The following MAP2K5 variants were observed in gnomAD, a reference collection of about 807,000 sequenced individuals.
MAP2K5 encodes the protein dual specificity mitogen-activated protein kinase kinase 5.
Under a neutral mutation model 83.1 loss-of-function variants are expected in MAP2K5, and 49 were observed. The observed-to-expected ratio is 0.59, with a 90% confidence interval of 0.47 to 0.75. The LOEUF (loss-of-function observed/expected upper bound fraction) is 0.75. MAP2K5 is among the 30% of genes least tolerant of loss of function. The pLI, the probability that MAP2K5 is intolerant of heterozygous loss-of-function variation, is 0.00. For synonymous variants in MAP2K5, 202 were observed against 191.8 expected (o/e 1.05, Z -0.44); for missense variants, 457 against 557.5 (o/e 0.82, Z 1.82).
intron 1 of MAP2K5, chr15:67,549,059 A>G (rs1030725167): frequency 5.3e-5 from 81 of 1,519,110 alleles, no homozygotes; most frequent in Admixed American, 5.3e-4. Flanking sequence ...CTGCTGAGAA[A>G]TACTGCGAGC....
At chr15:67,547,109 G>T (rs60967453) in intron 1 of MAP2K5, among the ~76,000 whole-genome samples, 1 of 26,068 alleles carries the variant, frequency 3.8e-5, no homozygotes, top group Non-Finnish European at 9.2e-5. Flanking sequence ...CACACACACA[G>T]ATTTCTGTCT....
intron 1 of MAP2K5, among the ~76,000 whole-genome samples, chr15:67,545,716 G>A (rs1446625868): frequency 6.6e-6 from 1 of 152,152 alleles, no homozygotes; most frequent in African/African-American, 2.4e-5. Context: ...TACTACTGGG[G>A]CAAGTATCTT....
At position 67,766,851 on chromosome 15, in the gene MAP2K5, G is replaced by T. The variant is rs1385186707; in HGVS notation, c.1135-2751G>T. Among the ~76,000 whole-genome samples, 4 of 152,334 alleles carry T rather than the reference G, an allele frequency of 2.6e-5. No individual in the cohort carries two copies. The East Asian group carries it at 5.8e-4, about 22-fold the overall frequency. ...GGCTCTCAGAAAACGCCTTTGCCCAGTGTTTATGTGTGGCATTCTCACCAT... is the reference window on the plus strand; with the variant it reads ...GGCTCTCAGAAAACGCCTTTGCCCATTGTTTATGTGTGGCATTCTCACCAT... On this transcript the variant is annotated intron_variant, in intron 19 of 21. Transcript: ENST00000178640.
At chr15:67,743,562 G>A (rs2089539392) in intron 17 of MAP2K5, among the ~76,000 whole-genome samples, 1 of 152,178 alleles carries the variant, frequency 6.6e-6, no homozygotes. Context: ...TTATTTAAAA[G>A]TGATTTGTTT....
At chr15:67,737,806 C>T (rs1009666921) in intron 17 of MAP2K5, among the ~76,000 whole-genome samples, 25 of 143,260 alleles carry the variant, frequency 1.7e-4, no homozygotes, top group Non-Finnish European at 3.6e-4. Context: ...GTGACCACCA[C>T]GGGGAGAAGG....
Position 67,769,185 on chromosome 15 carries a change from T to C in MAP2K5, c.1135-417T>C, listed in dbSNP as rs1323223099. On this transcript the variant is annotated intron_variant, in intron 19 of 21. Transcript: ENST00000178640. The surrounding 1 kb of genome is among the most constrained non-coding windows in gnomAD (Gnocchi z 5.2). ...AGTTGAATATACAAATAAATGTAAA[T>C]AAAAAGGAAAGTGTAAATAAATAGC... is the stretch of plus-strand genomic sequence containing the variant. 6.6e-6 allele frequency among the ~76,000 whole-genome samples: 1 copy of C among 151,346 alleles called. No individual in the cohort carries two copies. Among genetic ancestry groups the C allele is most frequent in the Non-Finnish European group, 1.5e-5 (1 of 67,836 alleles).
At chr15:67,696,416 T>A (rs1596812130) in intron 15 of MAP2K5, among the ~76,000 whole-genome samples, 1 of 152,158 alleles carries the variant, frequency 6.6e-6, no homozygotes, top group Non-Finnish European at 1.5e-5. Flanking sequence ...GCAGAAAGTA[T>A]ATGGCTCATA....
Position 67,664,606 on chromosome 15 carries a change from G to A in MAP2K5, c.808G>A (p.Gly270Ser). 12 of 1,584,492 alleles carry A rather than the reference G, an allele frequency of 7.6e-6. No individual in the cohort carries two copies. Among genetic ancestry groups the A allele is most frequent in the Non-Finnish European group, 1.0e-5 (12 of 1,153,760 alleles). The change falls in exon 13 of 22, where the codon GGC (glycine) becomes AGC (serine). Residue 270 changes from glycine (G) to serine (S), a missense_variant. Transcript: ENST00000178640. ...TTTTTCCTAAATTTAGGTTGTTAAA[G>A]GCCTTACTTATTTGTGGAGTTTAAA... is the stretch of plus-strand genomic sequence containing the variant. ...LGRIAVAVVK[G>S]LTYLWSLKIL...
intron 3 of MAP2K5, among the ~76,000 whole-genome samples, chr15:67,574,445 G>A (rs569596667): frequency 3.9e-5 from 6 of 152,156 alleles, no homozygotes; most frequent in African/African-American, 7.2e-5. Context: ...GGTGGTGGGC[G>A]CCTGTAGTAT....
intron 21 of MAP2K5, among the ~76,000 whole-genome samples, chr15:67,789,064 T>C (rs1196532843): frequency 1.3e-5 from 2 of 152,138 alleles, no homozygotes; most frequent in African/African-American, 4.8e-5. Context: ...CCCTAATCTC[T>C]AGAGATAAGC....
chr15:67,545,792 T>TG (rs1178865379), intron 1 of MAP2K5, among the ~76,000 whole-genome samples: 9 of 152,166 alleles, frequency 5.9e-5, no homozygotes, highest in African/African-American at 2.2e-4. Flanking sequence ...GCCTACCTCC[T>TG]AGAGTTCTGA....
chr15:67,695,081 T>G (rs556383405), intron 15 of MAP2K5, among the ~76,000 whole-genome samples: 40 of 131,288 alleles, frequency 3.0e-4, no homozygotes, highest in African/African-American at 7.4e-4. Flanking sequence ...GACACAGGAA[T>G]GGGAACATCA....
intron 6 of MAP2K5, among the ~76,000 whole-genome samples, chr15:67,589,769 A>G (rs936586391): frequency 8.2e-6 from 1 of 121,880 alleles, no homozygotes; most frequent in Non-Finnish European, 1.7e-5. Flanking sequence ...CCAGAAAAAA[A>G]TGTGTGTGTG....
chr15:67,618,246 G>T (rs537993948), intron 8 of MAP2K5, among the ~76,000 whole-genome samples: 1 of 152,248 alleles, frequency 6.6e-6, no homozygotes, highest in South Asian at 2.1e-4. Flanking sequence ...GCTTGGCAGT[G>T]GGGGAGATAT....
At chr15:67,715,052 G>A (rs1049127182) in intron 16 of MAP2K5, among the ~76,000 whole-genome samples, 4 of 152,114 alleles carry the variant, frequency 2.6e-5, no homozygotes, top group Non-Finnish European at 5.9e-5. Flanking sequence ...AAATTTCCAT[G>A]GAAGATTTTA....
intron 17 of MAP2K5, 136 bp downstream of exon 17, chr15:67,728,081 G>T: frequency 2.6e-6 from 2 of 765,398 alleles, no homozygotes; most frequent in South Asian, 1.5e-5. Flanking sequence ...ATCTTAAAGG[G>T]TTCATTTAGA....
At chr15:67,752,361 G>A (rs1455156085) in intron 19 of MAP2K5, among the ~76,000 whole-genome samples, 1 of 150,938 alleles carries the variant, frequency 6.6e-6, no homozygotes, top group Non-Finnish European at 1.5e-5. Flanking sequence ...TTTTAGTTTT[G>A]CTAAGGTCAC....
At chr15:67,733,207 A>T (rs1242199966) in intron 17 of MAP2K5, among the ~76,000 whole-genome samples, 1 of 152,176 alleles carries the variant, frequency 6.6e-6, no homozygotes, top group Non-Finnish European at 1.5e-5. Context: ...AAGACATCAG[A>T]CTTGATCTGA....
intron 9 of MAP2K5, among the ~76,000 whole-genome samples, chr15:67,639,998 T>C (rs2086680452): frequency 6.6e-6 from 1 of 152,224 alleles, no homozygotes; most frequent in Non-Finnish European, 1.5e-5. Context: ...TAGAATTCCC[T>C]GTATATGTCT....
Sources: gnomAD v4.1 joint callset for allele counts (sites outside exome capture counted in the v4.1 genomes callset) on GRCh38, gnomAD v4.1.1 for gene constraint, Gnocchi (gnomAD v3.1) non-coding constraint, MANE v1.5 for transcripts, NCBI Gene and HGNC (gene_info 2026-07-23, HGNC 2026-07-21) for gene names.